Variants in SAMD8 observed in about 807,000 individuals in gnomAD.
SAMD8 encodes the protein sphingomyelin synthase-related protein 1.
SAMD8 carries 20 observed loss-of-function variants against 42.0 expected under a neutral mutation model. The ratio of observed to expected loss-of-function variants is 0.48; its 90% CI spans 0.34 to 0.69. The LOEUF is 0.69. Among genes scored for constraint, SAMD8 ranks in the 30% least tolerant of loss-of-function variants. The probability of loss-of-function intolerance (pLI) is 0.01; values close to 1 mark genes in which losing one functional copy is unlikely to be tolerated. For synonymous variants in SAMD8, 162 were observed against 173.0 expected (o/e 0.94, Z 0.50); for missense variants, 328 against 511.6 (o/e 0.64, Z 3.46).
intron 1 of SAMD8, chr10:75,105,611 C>A: frequency 2.0e-6 from 3 of 1,489,924 alleles, no homozygotes; most frequent in Non-Finnish European, 2.7e-6. Context: ...TAGGCCCTCA[C>A]CTGGCCTCTT....
chr10:75,108,978 C>A (rs375093906), upstream of SAMD8: 1 of 1,571,676 alleles, frequency 6.4e-7, no homozygotes, highest in Non-Finnish European at 8.7e-7. Context: ...CACGTCCCCA[C>A]CCCCATGCCC....
At chr10:75,108,089 G>A, upstream of SAMD8, 1 of 1,613,886 alleles carries the variant, frequency 6.2e-7, no homozygotes, top group Non-Finnish European at 8.5e-7. Context: ...GCACCCCCAG[G>A]TAGCTCACAC....
chr10:75,146,566 G>A (rs1589956825), intron 1 of SAMD8, among the ~76,000 whole-genome samples: 1 of 152,004 alleles, frequency 6.6e-6, no homozygotes, highest in Non-Finnish European at 1.5e-5. Flanking sequence ...GATTACAGGC[G>A]TGAGCCACCG....
chr10:75,158,812 C>T (rs916876701), intron 2 of SAMD8, among the ~76,000 whole-genome samples: 2 of 152,082 alleles, frequency 1.3e-5, no homozygotes, highest in African/African-American at 4.8e-5. Context: ...ATAAGTGGAA[C>T]CATACAATAT....
Position 75,177,707 on chromosome 10 carries a change from G to T in SAMD8, c.*1015G>T, listed in dbSNP as rs1227331051. The stretch of plus-strand genomic sequence containing the variant: ...CATTCTTGGCTGTTGGAAGTAAACA[G>T]TCTCAGACATACTTGGATATGAAAA... On this transcript the variant is annotated 3_prime_UTR_variant, in exon 6 of 6. Transcript: ENST00000542569. 3 of 152,180 alleles carry T rather than the reference G, an allele frequency of 2.0e-5. No homozygotes were observed. The highest frequency in any genetic ancestry group is 1.5e-5 in the Non-Finnish European group (1 of 68,028). The allele number at this position is 152,180 out of a possible 1,614,324, so 9.4% of individuals were successfully genotyped here.
chr10:75,104,128 C>A, intron 1 of SAMD8: 1 of 1,310,072 alleles, frequency 7.6e-7, no homozygotes, highest in Non-Finnish European at 1.0e-6. Context: ...GTGTTACAGG[C>A]AGGTGAACCA....
chr10:75,155,247 G>A (rs996965312), intron 2 of SAMD8, among the ~76,000 whole-genome samples: 1 of 152,172 alleles, frequency 6.6e-6, no homozygotes, highest in Non-Finnish European at 1.5e-5. Context: ...CATTTACAGA[G>A]ATGGGAAAAC....
intron 1 of SAMD8, among the ~76,000 whole-genome samples, chr10:75,134,579 G>A (rs1295457748): frequency 6.6e-6 from 1 of 152,018 alleles, no homozygotes; most frequent in Non-Finnish European, 1.5e-5. Flanking sequence ...AGGCTGCAGT[G>A]AGCCAAGATC....
Position 75,150,622 on chromosome 10 carries a change from A to C in SAMD8, c.94A>C (p.Ile32Leu). 1.9e-6 allele frequency: 3 copies of C among 1,614,190 alleles called. No individual in the cohort carries two copies. Among genetic ancestry groups the C allele is most frequent in the Non-Finnish European group, 2.5e-6 (3 of 1,180,032 alleles). Residue 32 changes from isoleucine to leucine, a missense_variant, in exon 2 of 6, where the codon ATT becomes CTT. Ile to Leu is a conservative substitution (Grantham distance 5, BLOSUM62 2). This residue lies in a region of SAMD8 where 150 missense variants were observed against 186.0 expected (regional missense o/e 0.81). Coordinates refer to ENST00000542569, the MANE Select transcript of SAMD8 (RefSeq NM_001174156.2). ...TGAAGGCTTTTTTGAATATGTGGAC[A>C]TTTTATGCAATAAGCACCGACTTGA... ...KDEGFFEYVD[I>L]LCNKHRLDGI...
intron 1 of SAMD8, among the ~76,000 whole-genome samples, chr10:75,129,644 G>A (rs1475995733): frequency 1.3e-5 from 2 of 152,146 alleles, no homozygotes; most frequent in Admixed American, 6.6e-5. Context: ...AGGGACAGTA[G>A]AAAATGGTTT....
At chr10:75,145,658 T>A (rs894404999) in intron 1 of SAMD8, among the ~76,000 whole-genome samples, 1 of 152,162 alleles carries the variant, frequency 6.6e-6, no homozygotes, top group Non-Finnish European at 1.5e-5. Flanking sequence ...GCCAAATAAT[T>A]CTTTGTTGGG....
Position 75,124,801 on chromosome 10 carries a change from CT to C in SAMD8, c.-16+13086del, listed in dbSNP as rs1466320218. ...TACACTCTTAAGACAATTTTTCTTT[CT>C]TTTTTTCTTTTTTTTTTTTCCTAAG... is the stretch of plus-strand genomic sequence containing the variant. On this transcript the variant is annotated intron_variant, in intron 1 of 5. Transcript: ENST00000542569. 2.2e-5 allele frequency among the ~76,000 whole-genome samples: 3 copies of C among 134,806 alleles called. No individual in the cohort carries two copies. The Admixed American group carries it at 2.5e-4, about 11-fold the overall frequency. 88.4% of individuals were successfully genotyped at this position (134,806 alleles called of 152,430 possible).
chr10:75,151,274 A>T (rs1840282031), intron 2 of SAMD8, among the ~76,000 whole-genome samples, 168 bp downstream of exon 2: 1 of 152,216 alleles, frequency 6.6e-6, no homozygotes, highest in Admixed American at 6.5e-5. Flanking sequence ...CACTTAGAGT[A>T]AATTAGGCCT....
At chr10:75,157,348 G>A (rs1050063378) in intron 2 of SAMD8, among the ~76,000 whole-genome samples, 10 of 152,276 alleles carry the variant, frequency 6.6e-5, no homozygotes, top group Non-Finnish European at 1.5e-4. Context: ...GGTAATGATG[G>A]TAGAGGAAAG....
At chr10:75,140,003 A>G (rs920623072) in intron 1 of SAMD8, among the ~76,000 whole-genome samples, 1 of 152,234 alleles carries the variant, frequency 6.6e-6, no homozygotes, top group African/African-American at 2.4e-5. Flanking sequence ...AGGTTTTTAC[A>G]TATGGGTATC....
chr10:75,142,959 G>A lies in SAMD8; in HGVS notation c.-15-7555G>A, dbSNP rs541549473. Among the ~76,000 whole-genome samples, 36 of 152,280 alleles carry A rather than the reference G, an allele frequency of 2.4e-4. No homozygotes were observed. The East Asian group carries it at 4.6e-3, about 20-fold the overall frequency. ...TTGAGTGTTTATCATGGCCTTATAAGTGCATTGTTGGCTATTAAAAACTTT... is the reference window on the plus strand; with the variant it reads ...TTGAGTGTTTATCATGGCCTTATAAATGCATTGTTGGCTATTAAAAACTTT... On this transcript the variant is annotated intron_variant, in intron 1 of 5. Coordinates refer to ENST00000542569, the MANE Select transcript of SAMD8 (RefSeq NM_001174156.2).
intron 1 of SAMD8, among the ~76,000 whole-genome samples, chr10:75,106,096 CT>C (rs933254809): frequency 9.2e-6 from 1 of 109,026 alleles, no homozygotes; most frequent in African/African-American, 3.9e-5. Context: ...TCTTTTCTTT[CT>C]TTTCTTTTTT....
At chr10:75,101,799 T>A in intron 1 of SAMD8, 41 of 774,006 alleles carry the variant, frequency 5.3e-5, no homozygotes, top group Non-Finnish European at 8.2e-5. Context: ...ACAAGTGTCC[T>A]GGCCCTCATT....
chr10:75,137,434 G>T (rs1041528420), intron 1 of SAMD8, among the ~76,000 whole-genome samples: 9 of 152,142 alleles, frequency 5.9e-5, no homozygotes, highest in Admixed American at 5.9e-4. Flanking sequence ...CAGCTACTTG[G>T]GAGGCTGAGG....
Sources: gnomAD v4.1 joint callset for allele counts (sites outside exome capture counted in the v4.1 genomes callset) on GRCh38, gnomAD v4.1.1 for gene constraint, gnomAD v4.1.1 regional missense constraint, MANE v1.5 for transcripts, NCBI Gene and HGNC (gene_info 2026-07-23, HGNC 2026-07-21) for gene names.